The following FHIP1A variants were observed in gnomAD, a reference collection of about 807,000 sequenced individuals.
FHIP1A encodes the protein FHF complex subunit HOOK-interacting protein 1A.
A neutral mutation model predicts 88.6 loss-of-function variants in FHIP1A; 61 were observed. The observed-to-expected ratio is 0.69, with a 90% CI of 0.56 to 0.85. The LOEUF is 0.85. Among genes scored for constraint, FHIP1A ranks in the 40% least tolerant of loss-of-function variants. FHIP1A has a pLI of 0.00. For missense variants in FHIP1A, 1,154 were observed against 1,273.5 expected (o/e 0.91, Z 1.43); for synonymous variants, 478 against 496.0 (o/e 0.96, Z 0.48).
Position 151,666,335 on chromosome 4 carries a change from C to T in FHIP1A, c.*3581C>T, listed in dbSNP as rs1387260753. Among the ~76,000 whole-genome samples, 2 of 152,074 alleles carry T rather than the reference C, an allele frequency of 1.3e-5. No individual in the cohort carries two copies. The highest frequency in any genetic ancestry group is 2.9e-5 in the Non-Finnish European group (2 of 68,028). On this transcript the variant is annotated 3_prime_UTR_variant, in exon 14 of 14. Coordinates refer to ENST00000435205, the MANE Select transcript of FHIP1A (RefSeq NM_001109977.3). Reference sequence around the variant, plus strand: ...ATTTAGAGGAATTGTGAAGTGGTCCCCATTTTGTGGAGTATCATTTTGGAA... The same window carrying T: ...ATTTAGAGGAATTGTGAAGTGGTCCTCATTTTGTGGAGTATCATTTTGGAA...
rs1243210757 is a variant in FHIP1A at position 151,667,421 on chromosome 4, C to G, written c.*4667C>G. 5.3e-5 allele frequency: 8 copies of G among 152,108 alleles called. No homozygotes were observed. Among genetic ancestry groups the G allele is most frequent in the Admixed American group, 5.2e-4 (8 of 15,270 alleles). The allele number at this position is 152,108 out of a possible 1,614,324, so 9.4% of individuals were successfully genotyped here. ...CTTCTTTTTGAATGAACCTCGTAAA[C>G]CTAATGCTTTAGAAAGAGCTCTCAG... On this transcript the variant is annotated 3_prime_UTR_variant, in exon 14 of 14. Coordinates refer to ENST00000435205, the MANE Select transcript of FHIP1A (RefSeq NM_001109977.3).
intron 3 of FHIP1A, among the ~76,000 whole-genome samples, chr4:151,535,243 C>T (rs183015809): frequency 3.3e-4 from 51 of 152,254 alleles, no homozygotes; most frequent in Admixed American, 2.4e-3. Flanking sequence ...AAATTCCTTG[C>T]ACAGTGTTTA....
At chr4:151,414,701 CT>C (rs1732817374) in intron 1 of FHIP1A, among the ~76,000 whole-genome samples, 1 of 152,138 alleles carries the variant, frequency 6.6e-6, no homozygotes, top group Admixed American at 6.5e-5. Flanking sequence ...AGTGAGGATA[CT>C]ACTGCCTTCT....
chr4:151,448,379 T>C (rs562928273), intron 1 of FHIP1A, among the ~76,000 whole-genome samples: 1 of 152,336 alleles, frequency 6.6e-6, no homozygotes, highest in South Asian at 2.1e-4. Flanking sequence ...AGGTTCACAT[T>C]GTTGTACAAC....
At chr4:151,458,776 A>G (rs1433215561) in intron 2 of FHIP1A, among the ~76,000 whole-genome samples, 2 of 152,052 alleles carry the variant, frequency 1.3e-5, no homozygotes, top group Non-Finnish European at 2.9e-5. Context: ...GGCGCAAGGG[A>G]CTGTCTTTTG....
chr4:151,479,111 G>A (rs1010077510), intron 2 of FHIP1A, among the ~76,000 whole-genome samples: 3 of 152,060 alleles, frequency 2.0e-5, no homozygotes, highest in African/African-American at 7.2e-5. Flanking sequence ...TTTTCCTAAA[G>A]CTTTAGAAGG....
At chr4:151,528,675 C>T (rs905517610) in intron 3 of FHIP1A, among the ~76,000 whole-genome samples, 3 of 152,110 alleles carry the variant, frequency 2.0e-5, no homozygotes, top group Admixed American at 1.3e-4. Context: ...CAGAGGGAAA[C>T]TTTGCTTTTA....
intron 2 of FHIP1A, among the ~76,000 whole-genome samples, chr4:151,460,526 C>T (rs1210950334): frequency 6.6e-6 from 1 of 152,150 alleles, no homozygotes; most frequent in African/African-American, 2.4e-5. Flanking sequence ...GCACACAGTG[C>T]AAACCAAGCA....
intron 2 of FHIP1A, among the ~76,000 whole-genome samples, chr4:151,461,526 C>T (rs751293139): frequency 3.3e-5 from 5 of 151,986 alleles, no homozygotes; most frequent in South Asian, 2.1e-4. Flanking sequence ...ATGTTTGAGA[C>T]GATGAATATG....
At position 151,577,875 on chromosome 4, in the gene FHIP1A, A is replaced by G; in HGVS notation, c.531A>G (p.Pro177=). Residue 177 remains proline, a synonymous_variant, in exon 5 of 14, where the codon CCA becomes CCG. Transcript: ENST00000435205. Reference sequence around the variant, plus strand: ...TCTGTTCCATTCTTGCCAAAGATCCATCCATTTTAGAACTCTTCTTCCACA... The same window carrying G: ...TCTGTTCCATTCTTGCCAAAGATCCGTCCATTTTAGAACTCTTCTTCCACA... ...NQLCSILAKD[P]SILELFFHTS... is the part of the protein sequence containing the mutation. 6.4e-7 allele frequency: 1 copy of G among 1,551,806 alleles called. No homozygotes were observed. The highest frequency in any genetic ancestry group is 8.7e-7 in the Non-Finnish European group (1 of 1,147,008).
At chr4:151,562,535 ATGTTCC>A (rs1335748389) in intron 3 of FHIP1A, among the ~76,000 whole-genome samples, 4 of 152,306 alleles carry the variant, frequency 2.6e-5, no homozygotes, top group Admixed American at 2.0e-4. Flanking sequence ...TTCAATAAAA[ATGTTCC>A]TCTGGCTCCG....
chr4:151,412,085 AG>A (rs1401468316), intron 1 of FHIP1A, among the ~76,000 whole-genome samples: 3 of 152,228 alleles, frequency 2.0e-5, no homozygotes, highest in African/African-American at 2.4e-5. Flanking sequence ...ACAGGAGGAA[AG>A]CAGATGAGGT....
At chr4:151,458,262 A>G (rs1018016008) in intron 2 of FHIP1A, among the ~76,000 whole-genome samples, 11 of 152,182 alleles carry the variant, frequency 7.2e-5, no homozygotes, top group Non-Finnish European at 1.6e-4. Context: ...CACTTGGAAG[A>G]AAATAGTCAG....
intron 3 of FHIP1A, among the ~76,000 whole-genome samples, chr4:151,515,354 A>G (rs1251376722): frequency 2.0e-5 from 3 of 151,906 alleles, no homozygotes; most frequent in Non-Finnish European, 4.4e-5. Context: ...ATCATACTGA[A>G]TGGGCAAAAA....
intron 2 of FHIP1A, among the ~76,000 whole-genome samples, chr4:151,456,161 TAAAC>T (rs906479927): frequency 2.0e-5 from 3 of 152,182 alleles, no homozygotes; most frequent in Non-Finnish European, 4.4e-5. Flanking sequence ...ATGATAAAAT[TAAAC>T]AACCATAACT....
At chr4:151,564,753 T>C (rs1236031898) in intron 3 of FHIP1A, among the ~76,000 whole-genome samples, 1 of 152,236 alleles carries the variant, frequency 6.6e-6, no homozygotes, top group Non-Finnish European at 1.5e-5. Flanking sequence ...TCGTCCTTTC[T>C]ATATACCTTA....
intron 1 of FHIP1A, among the ~76,000 whole-genome samples, chr4:151,452,364 A>G (rs750980052): frequency 6.6e-6 from 1 of 152,218 alleles, no homozygotes; most frequent in Non-Finnish European, 1.5e-5. Context: ...GAAAGGAGAT[A>G]TGAACACTTT....
At chr4:151,595,763 C>T (rs770135064) in intron 7 of FHIP1A, among the ~76,000 whole-genome samples, 4 of 152,116 alleles carry the variant, frequency 2.6e-5, no homozygotes, top group Non-Finnish European at 5.9e-5. Context: ...TGCATTGATC[C>T]CTTTACCATT....
At chr4:151,534,460 A>G (rs992922756) in intron 3 of FHIP1A, among the ~76,000 whole-genome samples, 1 of 152,212 alleles carries the variant, frequency 6.6e-6, no homozygotes, top group African/African-American at 2.4e-5. Context: ...GGGGAGGCTG[A>G]TCTCTGTAAG....
Sources: allele counts gnomAD v4.1 joint callset (sites outside exome capture counted in the v4.1 genomes callset), GRCh38; gene constraint gnomAD v4.1.1; transcripts MANE v1.5; gene names NCBI Gene and HGNC (gene_info 2026-07-23, HGNC 2026-07-21).